EPHB1: variants seen among roughly 807,000 people sequenced by gnomAD.
EPHB1 encodes the protein EPH receptor B1, also known as ephrin type-B receptor 1.
A neutral mutation model predicts 94.4 loss-of-function variants in EPHB1; 30 were observed. That is an observed-to-expected ratio of 0.32 (90% CI 0.24 to 0.43). EPHB1 has a LOEUF of 0.43. Ranked by LOEUF, EPHB1 falls within the 20% of genes least tolerant of loss-of-function variation. The pLI, the probability that EPHB1 is intolerant of heterozygous loss-of-function variation, is 1.00. For missense variants in EPHB1, 1,055 were observed against 1,308.3 expected (o/e 0.81, Z 2.99); for synonymous variants, 522 against 489.1 (o/e 1.07, Z -0.89).
At chr3:134,987,944 T>A (rs1934660658) in intron 3 of EPHB1, among the ~76,000 whole-genome samples, 1 of 137,928 alleles carries the variant, frequency 7.3e-6, no homozygotes. Flanking sequence ...CAGACTGGTA[T>A]TTTTTTTAAT....
At chr3:134,821,373 A>AACT (rs2108289995) in intron 1 of EPHB1, among the ~76,000 whole-genome samples, 1 of 152,300 alleles carries the variant, frequency 6.6e-6, no homozygotes, top group South Asian at 2.1e-4. Flanking sequence ...CCATCACAGG[A>AACT]TTTTTAAAGT....
intron 1 of EPHB1, among the ~76,000 whole-genome samples, chr3:134,850,132 G>C (rs11928990): frequency 0.16 from 24,948 of 152,120 alleles, 2,903 homozygotes; most frequent in African/African-American, 0.33. Context: ...TCTTTGGAGC[G>C]GCTTCTTTCT....
At chr3:135,014,844 A>G (rs1273850221) in intron 3 of EPHB1, among the ~76,000 whole-genome samples, 1 of 152,182 alleles carries the variant, frequency 6.6e-6, no homozygotes, top group Non-Finnish European at 1.5e-5. Flanking sequence ...GCAGGCATAA[A>G]TCACCCTCTC....
At chr3:134,944,008 A>G (rs2039171434) in intron 2 of EPHB1, among the ~76,000 whole-genome samples, 1 of 152,186 alleles carries the variant, frequency 6.6e-6, no homozygotes, top group South Asian at 2.1e-4. Flanking sequence ...GTTTTAATCA[A>G]TTCAGTAATT....
At chr3:134,895,888 A>G (rs1421138016) in intron 1 of EPHB1, among the ~76,000 whole-genome samples, 2 of 152,164 alleles carry the variant, frequency 1.3e-5, no homozygotes, top group African/African-American at 4.8e-5. Context: ...GCTGTCCTCT[A>G]CTTTTCCCTT....
At chr3:135,057,832 C>T (rs886116433) in intron 3 of EPHB1, among the ~76,000 whole-genome samples, 2 of 152,202 alleles carry the variant, frequency 1.3e-5, no homozygotes, top group South Asian at 4.1e-4. Context: ...ACCTAGCCAG[C>T]GGGATTGAGC....
intron 4 of EPHB1, among the ~76,000 whole-genome samples, chr3:135,128,217 T>TC (rs954286209): frequency 1.3e-5 from 2 of 152,190 alleles, no homozygotes; most frequent in Non-Finnish European, 2.9e-5. Context: ...CCCTCTCTGC[T>TC]CCCCCTTGTA....
intron 1 of EPHB1, among the ~76,000 whole-genome samples, chr3:134,846,849 C>T (rs1336140096): frequency 5.3e-5 from 8 of 151,996 alleles, no homozygotes; most frequent in Non-Finnish European, 1.2e-4. Context: ...AGGAATGGGC[C>T]GGGAGGGTCA....
intron 1 of EPHB1, among the ~76,000 whole-genome samples, chr3:134,911,847 C>T (rs1578190679): frequency 6.6e-6 from 1 of 152,280 alleles, no homozygotes; most frequent in East Asian, 1.9e-4. Flanking sequence ...ACTGGTTGCC[C>T]CTCACTGGCA....
intron 3 of EPHB1, among the ~76,000 whole-genome samples, chr3:135,074,784 A>G (rs1006153159): frequency 6.6e-6 from 1 of 152,092 alleles, no homozygotes. Flanking sequence ...TCCAATCCTT[A>G]CATTTTGGGG....
chr3:134,931,581 A>G (rs1038593469), intron 2 of EPHB1, among the ~76,000 whole-genome samples: 34 of 152,146 alleles, frequency 2.2e-4, no homozygotes, highest in African/African-American at 8.2e-4. Context: ...TCTGTTGACT[A>G]CTGTAACACT....
At chr3:134,837,466 T>C (rs931963389) in intron 1 of EPHB1, among the ~76,000 whole-genome samples, 3 of 152,176 alleles carry the variant, frequency 2.0e-5, no homozygotes, top group Non-Finnish European at 4.4e-5. Context: ...AGGATAACCA[T>C]CAGATGGTTC....
At chr3:135,100,269 G>A (rs1337691659) in intron 3 of EPHB1, among the ~76,000 whole-genome samples, 1 of 152,008 alleles carries the variant, frequency 6.6e-6, no homozygotes, top group Admixed American at 6.6e-5. Flanking sequence ...TTGTTTTTGA[G>A]GCCTCATCTG....
chr3:135,102,741 A>G (rs1291111161), intron 3 of EPHB1, among the ~76,000 whole-genome samples: 6 of 152,376 alleles, frequency 3.9e-5, no homozygotes, highest in East Asian at 3.9e-4. Context: ...ATGCCCATCA[A>G]TGATAGACTG....
intron 9 of EPHB1, among the ~76,000 whole-genome samples, chr3:135,169,471 C>A (rs569418201): frequency 6.6e-6 from 1 of 152,330 alleles, no homozygotes; most frequent in African/African-American, 2.4e-5. Context: ...CCTCTTTGCA[C>A]CCAAGTTCTC....
chr3:135,179,863 C>T lies in EPHB1; in HGVS notation c.1763C>T (p.Ser588Phe). The change falls in exon 10 of 16, where the codon TCC becomes TTC. Residue 588 changes from serine (S) to phenylalanine (F), a missense_variant. By Grantham distance (155) the Ser-to-Phe change is radical (BLOSUM62 -2). Coordinates refer to ENST00000398015, the MANE Select transcript of EPHB1 (RefSeq NM_004441.5). ...KLQHYSTGRGSPGMKIYIDPF... is the reference protein window; with the variant it reads ...KLQHYSTGRGFPGMKIYIDPF... ...CCTGCTTATCTCCTCCAACAAGGCT[C>T]CCCAGGGATGAAGATCTACATTGAC... The T allele has an allele frequency of 6.2e-7, 1 of 1,613,828 alleles. No individual in the cohort carries two copies. Among genetic ancestry groups the T allele is most frequent in the Non-Finnish European group, 8.5e-7 (1 of 1,179,754 alleles).
chr3:135,120,883 G>T (rs939886951), intron 4 of EPHB1, among the ~76,000 whole-genome samples: 1 of 152,106 alleles, frequency 6.6e-6, no homozygotes, highest in African/African-American at 2.4e-5. Flanking sequence ...TAGGAAGGGG[G>T]CTCTTAATCA....
chr3:135,180,387 A>G (rs1413633302), intron 10 of EPHB1, among the ~76,000 whole-genome samples: 1 of 152,230 alleles, frequency 6.6e-6, no homozygotes, highest in Admixed American at 6.5e-5. Context: ...CCATACTGTA[A>G]GTTCTCCATT....
chr3:135,051,448 C>T (rs985497063), intron 3 of EPHB1, among the ~76,000 whole-genome samples: 4 of 152,210 alleles, frequency 2.6e-5, no homozygotes, highest in Non-Finnish European at 5.9e-5. Flanking sequence ...CTTCCTATCA[C>T]TCTATTAATA....
Sources: gnomAD v4.1 joint callset for allele counts (sites outside exome capture counted in the v4.1 genomes callset) on GRCh38, gnomAD v4.1.1 for gene constraint, MANE v1.5 for transcripts, NCBI Gene and HGNC (gene_info 2026-07-23, HGNC 2026-07-21) for gene names.